ADCY9: variants seen among roughly 807,000 people sequenced by gnomAD.
ADCY9 encodes the protein adenylate cyclase type 9.
A neutral mutation model predicts 101.5 loss-of-function variants in ADCY9; 50 were observed. The observed-to-expected ratio is 0.49, with a 90% CI of 0.39 to 0.62. ADCY9 has a LOEUF of 0.62. Among genes scored for constraint, ADCY9 ranks in the 20% least tolerant of loss-of-function variants. ADCY9 has a pLI of 0.00. For synonymous variants in ADCY9, 905 were observed against 769.3 expected (o/e 1.18, Z -2.92); for missense variants, 1,662 against 1,800.4 (o/e 0.92, Z 1.39).
At chr16:4,078,276 T>C (rs2056880287) in intron 2 of ADCY9, among the ~76,000 whole-genome samples, 2 of 152,134 alleles carry the variant, frequency 1.3e-5, no homozygotes, top group Non-Finnish European at 2.9e-5. Context: ...TGGTGGTATA[T>C]CCAGTCCAGG....
rs117694041 is a variant in ADCY9, at chr16:3,981,582, A to G, written c.2519+1650T>C. Reference sequence around the variant, plus strand: ...TTTATTGTATATAAATCATGTCACAATAAAGCAGATCTTCTTTTTTTTCTT... The same window carrying G: ...TTTATTGTATATAAATCATGTCACAGTAAAGCAGATCTTCTTTTTTTTCTT... On this transcript the variant is annotated intron_variant, in intron 7 of 10. Coordinates refer to ENST00000294016, the MANE Select transcript of ADCY9 (RefSeq NM_001116.4). Among the ~76,000 whole-genome samples, 1,452 of 152,284 alleles carry G rather than the reference A, an allele frequency of 9.5e-3. 14 individuals are homozygous for G. The highest frequency in any genetic ancestry group is 0.017 in the Middle Eastern group (5 of 294).
intron 3 of ADCY9, among the ~76,000 whole-genome samples, chr16:3,996,742 A>T (rs1296836870): frequency 1.3e-5 from 2 of 152,260 alleles, no homozygotes; most frequent in Admixed American, 6.5e-5. Flanking sequence ...CCTTGATTAC[A>T]GACAGAACAG....
chr16:4,005,255 G>T (rs1229897555), intron 3 of ADCY9, among the ~76,000 whole-genome samples: 2 of 152,106 alleles, frequency 1.3e-5, no homozygotes, highest in East Asian at 3.9e-4. Context: ...ACAGGACAAG[G>T]TCTCACTCTG....
intron 2 of ADCY9, among the ~76,000 whole-genome samples, chr16:4,008,452 C>T (rs780719417): frequency 6.6e-6 from 1 of 152,080 alleles, no homozygotes; most frequent in East Asian, 1.9e-4. Flanking sequence ...TGGAATTTAA[C>T]CAGATGGCAA....
At chr16:4,015,590 A>C in intron 2 of ADCY9, 1 of 152,220 alleles carries the variant, frequency 6.6e-6, no homozygotes. Context: ...CTAAGGGTTG[A>C]AAGAAATAAA....
At chr16:4,001,748 T>A (rs1207010363) in intron 3 of ADCY9, among the ~76,000 whole-genome samples, 18 of 117,180 alleles carry the variant, frequency 1.5e-4, no homozygotes, top group Admixed American at 4.1e-4. Flanking sequence ...GGTTTTTTTT[T>A]TTTATTGTTT....
chr16:3,977,274 T>A (rs939351835), intron 9 of ADCY9, among the ~76,000 whole-genome samples: 27 of 152,236 alleles, frequency 1.8e-4, no homozygotes, highest in Admixed American at 1.3e-4. Context: ...CTGTTCTAAA[T>A]GATATTCTTT....
chr16:3,987,146 TCAG>T (rs1188196076), intron 6 of ADCY9, among the ~76,000 whole-genome samples: 1 of 152,234 alleles, frequency 6.6e-6, no homozygotes, highest in African/African-American at 2.4e-5. Flanking sequence ...TGAGGCAGGC[TCAG>T]GAGTTCCCCC....
chr16:4,034,858 G>A (rs1007428067), intron 2 of ADCY9, among the ~76,000 whole-genome samples: 7 of 152,164 alleles, frequency 4.6e-5, no homozygotes, highest in African/African-American at 1.4e-4. Flanking sequence ...GGACCTTGCC[G>A]GCTGGAAGCA....
At chr16:4,075,152 G>A (rs976186529) in intron 2 of ADCY9, among the ~76,000 whole-genome samples, 1 of 147,992 alleles carries the variant, frequency 6.8e-6, no homozygotes, top group African/African-American at 2.5e-5. Context: ...ACTCCAGCCT[G>A]GGTGACAAGG....
At chr16:4,016,324 CAA>C (rs1479378518) in intron 2 of ADCY9, among the ~76,000 whole-genome samples, 1 of 152,190 alleles carries the variant, frequency 6.6e-6, no homozygotes, top group East Asian at 1.9e-4. Flanking sequence ...GGCTATGAAA[CAA>C]GAGAGCTGGG....
intron 2 of ADCY9, among the ~76,000 whole-genome samples, chr16:4,015,964 T>C (rs2056435813): frequency 7.9e-6 from 1 of 126,514 alleles, no homozygotes; most frequent in African/African-American, 2.6e-5. Context: ...TGAGACCCTG[T>C]CTCAAAAAAA....
chr16:3,990,505 A>G (rs2056235576), intron 5 of ADCY9, among the ~76,000 whole-genome samples: 1 of 151,254 alleles, frequency 6.6e-6, no homozygotes, highest in Non-Finnish European at 1.5e-5. Flanking sequence ...AAATATGTCA[A>G]GTGCCTCATG....
chr16:3,997,276 G>C (rs1040223888), intron 3 of ADCY9, among the ~76,000 whole-genome samples: 1 of 152,246 alleles, frequency 6.6e-6, no homozygotes, highest in Non-Finnish European at 1.5e-5. Flanking sequence ...CACCGTGACA[G>C]TCAAACCAAC....
At chr16:4,040,452 T>C (rs956119120) in intron 2 of ADCY9, among the ~76,000 whole-genome samples, 1 of 142,738 alleles carries the variant, frequency 7.0e-6, no homozygotes, top group Non-Finnish European at 1.5e-5. Flanking sequence ...AAATGACATC[T>C]TCTTAATTTT....
At chr16:4,045,619 A>AAAT (rs57069702) in intron 2 of ADCY9, among the ~76,000 whole-genome samples, 1 of 148,372 alleles carries the variant, frequency 6.7e-6, no homozygotes, top group Non-Finnish European at 1.5e-5. Flanking sequence ...AAAAAAAAAA[A>AAAT]GAGCCAAATA....
intron 2 of ADCY9, among the ~76,000 whole-genome samples, chr16:4,029,047 T>G (rs2056536680): frequency 1.3e-5 from 2 of 152,152 alleles, no homozygotes; most frequent in South Asian, 4.1e-4. Context: ...CCTCCCAAAG[T>G]GCTGGGATTA....
intron 6 of ADCY9, 85 bp downstream of exon 6, chr16:3,988,909 G>T (rs931527896): frequency 1.8e-6 from 2 of 1,082,246 alleles, no homozygotes; most frequent in African/African-American, 1.6e-5. Flanking sequence ...CCCATCCCTT[G>T]GTAAAGCACA....
At chr16:4,078,073 G>C (rs2056879210) in intron 2 of ADCY9, among the ~76,000 whole-genome samples, 1 of 151,530 alleles carries the variant, frequency 6.6e-6, no homozygotes, top group South Asian at 2.1e-4. Flanking sequence ...AACATGTTCA[G>C]CTTCATAGTT....
Sources: allele counts gnomAD v4.1 joint callset (sites outside exome capture counted in the v4.1 genomes callset), GRCh38; gene constraint gnomAD v4.1.1; transcripts MANE v1.5; gene names NCBI Gene and HGNC (gene_info 2026-07-23, HGNC 2026-07-21).